The following ANO3 variants were observed in gnomAD, a reference collection of about 807,000 sequenced individuals.
ANO3 encodes anoctamin-3.
In ANO3, 99 loss-of-function variants were observed where a neutral mutation model predicts 144.8. The observed-to-expected ratio is 0.68, with a 90% CI of 0.58 to 0.81. ANO3 has a LOEUF of 0.81. Ranked by LOEUF, ANO3 falls within the 30% of genes least tolerant of loss-of-function variation. The pLI is 0.00. For missense variants in ANO3, 905 were observed against 1,202.2 expected, an observed-to-expected ratio of 0.75 and a Z score of 3.66; for synonymous variants, 414 against 392.6, an observed-to-expected ratio of 1.05 and a Z score of -0.64.
intron 4 of ANO3, among the ~76,000 whole-genome samples, chr11:26,472,409 T>C (rs963914469): frequency 6.6e-6 from 1 of 152,096 alleles, no homozygotes; most frequent in South Asian, 2.1e-4. Context: ...GGTCTATTTT[T>C]ACCCCCATTT....
chr11:26,565,656 T>G, intron 14 of ANO3: 1 of 1,613,368 alleles, frequency 6.2e-7, no homozygotes, highest in Non-Finnish European at 8.5e-7. Context: ...ATGACTCGCC[T>G]TGAGATTTGA....
intron 17 of ANO3, among the ~76,000 whole-genome samples, chr11:26,615,303 T>G (rs1051785338): frequency 6.6e-6 from 1 of 150,408 alleles, no homozygotes; most frequent in Non-Finnish European, 1.5e-5. Flanking sequence ...GGCTGCAGCA[T>G]CCCAGCACAT....
rs1366520269 is a variant in ANO3 at position 26,531,215 on chromosome 11, T to A, written c.748T>A (p.Tyr250Asn). ...GTGACTTCATTCCAGGATGCAAACT[T>A]ATTTTAGAAGAATCAAAAACTGGAT... ...RSKSMGRMQTYFRRIKNWMAQ... is the reference protein window; with the variant it reads ...RSKSMGRMQTNFRRIKNWMAQ... Residue 250 changes from tyrosine (Y) to asparagine (N), a missense_variant, in exon 8 of 27, where the codon TAT becomes AAT. Physicochemically the swap from Tyr to Asn is moderately radical, Grantham distance 143. Transcript: ENST00000256737. The A allele has an allele frequency of 6.2e-7, 1 of 1,614,058 alleles. No homozygotes were observed. Among genetic ancestry groups the A allele is most frequent in the East Asian group, 2.2e-5 (1 of 44,862 alleles).
chr11:26,589,826 A>C (rs1176886818), intron 14 of ANO3, among the ~76,000 whole-genome samples: 2 of 152,214 alleles, frequency 1.3e-5, no homozygotes, highest in Non-Finnish European at 2.9e-5. Flanking sequence ...GCATGGGTGC[A>C]TACTTCATTT....
intron 1 of ANO3, among the ~76,000 whole-genome samples, chr11:26,265,224 C>A (rs954819848): frequency 6.6e-6 from 1 of 152,290 alleles, no homozygotes; most frequent in Admixed American, 6.5e-5. Context: ...AACATTTCAA[C>A]TTACCCACTT....
intron 20 of ANO3, among the ~76,000 whole-genome samples, chr11:26,637,605 T>C (rs1297076770): frequency 2.0e-5 from 3 of 152,192 alleles, no homozygotes; most frequent in Non-Finnish European, 2.9e-5. Context: ...TTATCAGATA[T>C]ATTTGGGAGA....
chr11:26,597,318 T>C (rs1165410016), intron 14 of ANO3, among the ~76,000 whole-genome samples: 1 of 152,086 alleles, frequency 6.6e-6, no homozygotes. Context: ...ATGAGTGATA[T>C]AGCTCTATTA....
intron 1 of ANO3, among the ~76,000 whole-genome samples, chr11:26,286,789 G>T (rs963570402): frequency 2.0e-5 from 3 of 152,084 alleles, no homozygotes; most frequent in African/African-American, 7.2e-5. Flanking sequence ...TTTGCTGATC[G>T]TTATTGTTAC....
At chr11:26,314,905 G>C (rs959700448) in intron 1 of ANO3, among the ~76,000 whole-genome samples, 1 of 152,118 alleles carries the variant, frequency 6.6e-6, no homozygotes, top group African/African-American at 2.4e-5. Flanking sequence ...AAACTGAGAA[G>C]CATGCTCCAT....
At chr11:26,520,334 T>C (rs552659653) in intron 6 of ANO3, among the ~76,000 whole-genome samples, 1 of 152,174 alleles carries the variant, frequency 6.6e-6, no homozygotes, top group South Asian at 2.1e-4. Context: ...TAGGAATGCA[T>C]GTAAAAGAAG....
rs1203647257 is a variant in ANO3, at chr11:26,534,398, C to A, written c.870-58C>A. On this transcript the variant is annotated intron_variant, in intron 8 of 26. Coordinates refer to ENST00000256737, the MANE Select transcript of ANO3 (RefSeq NM_031418.4). ...GCATTAGCTTTAATGGAACTTGTAA[C>A]TATTGCTGGATTCTGTGTTCTGCTT... 4.4e-6 allele frequency: 5 copies of A among 1,139,116 alleles called. No individual in the cohort carries two copies. In the African/African-American group the frequency reaches 6.2e-5, roughly 14 times the overall value. The allele number at this position is 1,139,116 out of a possible 1,614,324, so 70.6% of individuals were successfully genotyped here. A position where few individuals can be genotyped will look rare whatever the true frequency, so the allele number is the denominator to read the frequency against.
intron 3 of ANO3, among the ~76,000 whole-genome samples, chr11:26,455,963 AGCAATGGGGAAAGGATT>A (rs1859140825): frequency 1.4e-4 from 22 of 151,924 alleles, no homozygotes; most frequent in Admixed American, 1.1e-3. Context: ...GAGAAAAACA[AGCAATGGGGAAAGGATT>A]CCCTATTTAA....
At chr11:26,281,028 C>T (rs1853666656) in intron 1 of ANO3, among the ~76,000 whole-genome samples, 2 of 152,294 alleles carry the variant, frequency 1.3e-5, no homozygotes, top group South Asian at 2.1e-4. Context: ...CCTGCATTGG[C>T]ACACAGATGT....
At chr11:26,506,830 T>A (rs1260653825) in intron 4 of ANO3, among the ~76,000 whole-genome samples, 2 of 152,194 alleles carry the variant, frequency 1.3e-5, no homozygotes, top group African/African-American at 4.8e-5. Flanking sequence ...CGTTGGCCTT[T>A]ATCTCCTTAA....
At chr11:26,523,065 T>C (rs769470152) in intron 6 of ANO3, among the ~76,000 whole-genome samples, 1 of 152,148 alleles carries the variant, frequency 6.6e-6, no homozygotes, top group South Asian at 2.1e-4. Flanking sequence ...TTAACAATCA[T>C]GGTGGAAGGG....
At chr11:26,386,002 C>T (rs1366939868) in intron 1 of ANO3, among the ~76,000 whole-genome samples, 2 of 151,808 alleles carry the variant, frequency 1.3e-5, no homozygotes, top group Middle Eastern at 3.2e-3. Context: ...CACCCAGTAG[C>T]GACAAGCACA....
chr11:26,455,892 C>T (rs939560400), intron 3 of ANO3, among the ~76,000 whole-genome samples: 1 of 151,760 alleles, frequency 6.6e-6, no homozygotes, highest in South Asian at 2.1e-4. Flanking sequence ...ATCAATGGAA[C>T]AGAACAGAGC....
At chr11:26,418,947 T>G (rs994559586) in intron 1 of ANO3, among the ~76,000 whole-genome samples, 23 of 152,058 alleles carry the variant, frequency 1.5e-4, no homozygotes, top group African/African-American at 5.6e-4. Context: ...GGACACAAAA[T>G]TTTCTGTATT....
chr11:26,662,360 A>C lies in ANO3; in HGVS notation c.*1916A>C, dbSNP rs569786354. The C allele has an allele frequency of 1.3e-5, 2 of 151,980 alleles. No homozygotes were observed. The highest frequency in any genetic ancestry group is 4.8e-5 in the African/African-American group (2 of 41,438). 9.4% of individuals were successfully genotyped at this position (151,980 alleles called of 1,614,324 possible). ...GCAATCGTAGCAACTAATTCCACTAAGTACAAGGGAGTTTTTTACACTCCT... is the reference window on the plus strand; with the variant it reads ...GCAATCGTAGCAACTAATTCCACTACGTACAAGGGAGTTTTTTACACTCCT... On this transcript the variant is annotated 3_prime_UTR_variant, in exon 27 of 27. Coordinates refer to ENST00000256737, the MANE Select transcript of ANO3 (RefSeq NM_031418.4).
Sources: gnomAD v4.1 joint callset for allele counts (sites outside exome capture counted in the v4.1 genomes callset) on GRCh38, gnomAD v4.1.1 for gene constraint, MANE v1.5 for transcripts, NCBI Gene and HGNC (gene_info 2026-07-23, HGNC 2026-07-21) for gene names.